ZNF469: variants seen among roughly 807,000 people sequenced by gnomAD.
ZNF469 encodes zinc finger protein 469.
ZNF469 carries 1 observed loss-of-function variant against 1.0 expected under a neutral mutation model. The observed-to-expected ratio is 1.00, with a 90% CI of 0.35 to 4.73. ZNF469 has a LOEUF of 4.73. ZNF469 is among the 30% of genes most tolerant of loss of function. ZNF469 has a pLI of 0.16. For missense variants in ZNF469, 6,100 were observed against 5,356.3 expected (o/e 1.14, Z -4.33); for synonymous variants, 2,703 against 2,363.4 (o/e 1.14, Z -4.17).
chr16:88,229,448 C>G, the ZNF469 span, among the ~76,000 whole-genome samples: 1 of 152,230 alleles, frequency 6.6e-6, no homozygotes, highest in African/African-American at 2.4e-5. Flanking sequence ...GCTTGTTTTC[C>G]GTTCCTGCCA....
the ZNF469 span, among the ~76,000 whole-genome samples, chr16:88,166,192 T>C: frequency 6.6e-6 from 1 of 152,266 alleles, no homozygotes; most frequent in East Asian, 1.9e-4. This position sits in a 1 kb window ranked among gnomAD's most constrained non-coding sequence, Gnocchi z 4.5. Context: ...AAAGTTGAAA[T>C]AATTTTGCAG....
At chr16:88,225,917 C>A in the ZNF469 span, among the ~76,000 whole-genome samples, 1 of 152,284 alleles carries the variant, frequency 6.6e-6, no homozygotes, top group African/African-American at 2.4e-5. Context: ...GCCTCCCTGA[C>A]AAGTCCTGAG....
the ZNF469 span, among the ~76,000 whole-genome samples, chr16:88,131,234 CAA>C: frequency 1.3e-5 from 2 of 152,198 alleles, no homozygotes; most frequent in African/African-American, 4.8e-5. Context: ...GAATAAATTT[CAA>C]AAGTGACTGC....
the ZNF469 span, among the ~76,000 whole-genome samples, chr16:88,315,529 G>A: frequency 1.5e-4 from 23 of 152,176 alleles, no homozygotes; most frequent in South Asian, 4.1e-4. Context: ...CCATTTTATC[G>A]CCATGGTGAC....
chr16:88,167,957 A>C, the ZNF469 span, among the ~76,000 whole-genome samples: 56 of 152,330 alleles, frequency 3.7e-4, no homozygotes, highest in African/African-American at 1.2e-3. Flanking sequence ...GCCCCCCTCC[A>C]AACATTTGGA....
At chr16:88,383,906 G>T (rs922881618) in intron 1 of ZNF469, among the ~76,000 whole-genome samples, 2 of 152,166 alleles carry the variant, frequency 1.3e-5, no homozygotes, top group African/African-American at 2.4e-5. Flanking sequence ...GTCTAGACCC[G>T]TGGGGACGCG....
the ZNF469 span, among the ~76,000 whole-genome samples, chr16:88,314,388 ATC>A: frequency 3.6e-5 from 5 of 139,316 alleles, no homozygotes; most frequent in Non-Finnish European, 7.7e-5. Flanking sequence ...GGTGTAGAAT[ATC>A]TCTGTGATTA....
chr16:88,305,958 A>G, the ZNF469 span, among the ~76,000 whole-genome samples: 12 of 152,054 alleles, frequency 7.9e-5, no homozygotes, highest in Admixed American at 7.9e-4. Context: ...ACACACTCAC[A>G]TACATGTCCT....
chr16:88,346,716 T>C, the ZNF469 span, among the ~76,000 whole-genome samples: 1 of 151,930 alleles, frequency 6.6e-6, no homozygotes, highest in Non-Finnish European at 1.5e-5. Context: ...GGAGTCTCGC[T>C]ATGTTGCCCA....
chr16:88,102,674 C>A, the ZNF469 span, among the ~76,000 whole-genome samples: 1 of 152,210 alleles, frequency 6.6e-6, no homozygotes, highest in African/African-American at 2.4e-5. Context: ...CAGCCCTCAT[C>A]GTCCTCCCAG....
chr16:88,386,558 C>T (rs952331534), intron 1 of ZNF469, among the ~76,000 whole-genome samples: 17 of 152,286 alleles, frequency 1.1e-4, no homozygotes, highest in African/African-American at 2.9e-4. Context: ...CTATTCAGGC[C>T]GGATCCCTTC....
the ZNF469 span, among the ~76,000 whole-genome samples, chr16:88,240,384 A>G: frequency 6.6e-6 from 1 of 152,206 alleles, no homozygotes; most frequent in Non-Finnish European, 1.5e-5. Flanking sequence ...GAGAAAGAGC[A>G]TGGTGGGAGA....
the ZNF469 span, among the ~76,000 whole-genome samples, chr16:88,135,504 G>A: frequency 1.3e-5 from 2 of 152,212 alleles, no homozygotes; most frequent in Non-Finnish European, 2.9e-5. Context: ...CATCTCATGG[G>A]TGCCTGAGGG....
In ZNF469 at chr16:88,435,229, A is replaced by G; in HGVS notation, c.7759A>G (p.Thr2587Ala). ...SPTEHEVDVK[T>A]PASKPRPDQA... is the part of the protein sequence containing the mutation. ...TACTGAGCATGAGGTAGATGTGAAG[A>G]CTCCGGCCTCCAAGCCCAGACCAGA... The change falls in exon 3 of 3, where the codon ACT becomes GCT. Residue 2587 changes from threonine to alanine, a missense_variant. Physicochemically the swap from Thr to Ala is moderately conservative, Grantham distance 58. Transcript: ENST00000565624. 6.5e-7 allele frequency: 1 copy of G among 1,550,114 alleles called. No individual in the cohort carries two copies. The highest frequency in any genetic ancestry group is 8.7e-7 in the Non-Finnish European group (1 of 1,146,952).
At chr16:88,144,936 G>A in the ZNF469 span, among the ~76,000 whole-genome samples, 55 of 147,942 alleles carry the variant, frequency 3.7e-4, no homozygotes, top group African/African-American at 1.2e-3. Context: ...TGCAACCTCC[G>A]CCTTCCGGGC....
the ZNF469 span, chr16:88,234,702 C>G: frequency 2.0e-5 from 3 of 152,294 alleles, no homozygotes; most frequent in Admixed American, 2.0e-4. Flanking sequence ...AGGCTGGACA[C>G]AGCGTCCCTG....
chr16:88,103,570 G>A, the ZNF469 span, among the ~76,000 whole-genome samples: 1 of 152,188 alleles, frequency 6.6e-6, no homozygotes, highest in Admixed American at 6.5e-5. Context: ...TAATCCCTTG[G>A]GGGGGATCAG....
chr16:88,136,123 T>C, the ZNF469 span, among the ~76,000 whole-genome samples: 57 of 152,280 alleles, frequency 3.7e-4, no homozygotes, highest in African/African-American at 1.3e-3. Context: ...TCCTAGTCCC[T>C]GGACCTATGA....
Position 88,436,652 on chromosome 16 carries a change from T to C in ZNF469, c.9182T>C (p.Leu3061Pro), listed in dbSNP as rs1906599233. ...TKFEMQDLCF[L>P]GPFEDPVGLP... is the part of the protein sequence containing the mutation. ...TTTGAGATGCAAGACCTGTGCTTTC[T>C]GGGACCCTTTGAAGACCCCGTGGGT... Residue 3061 changes from leucine (L) to proline (P), a missense_variant, in exon 3 of 3, where the codon CTG becomes CCG. Leu to Pro is a moderately conservative substitution (Grantham distance 98, BLOSUM62 -3). Coordinates refer to ENST00000565624, the MANE Select transcript of ZNF469 (RefSeq NM_001367624.2). 1 of 1,550,262 alleles carries C rather than the reference T, an allele frequency of 6.5e-7. No homozygotes were observed. Among genetic ancestry groups the C allele is most frequent in the African/African-American group, 1.4e-5 (1 of 73,056 alleles).
Sources: gnomAD v4.1 joint callset for allele counts (sites outside exome capture counted in the v4.1 genomes callset) on GRCh38, gnomAD v4.1.1 for gene constraint, Gnocchi (gnomAD v3.1) non-coding constraint, MANE v1.5 for transcripts, NCBI Gene and HGNC (gene_info 2026-07-23, HGNC 2026-07-21) for gene names.